Variants in PTPRD observed in about 807,000 individuals in gnomAD.
PTPRD encodes receptor-type tyrosine-protein phosphatase delta.
A neutral mutation model predicts 214.5 loss-of-function variants in PTPRD; 34 were observed. The ratio of observed to expected loss-of-function variants is 0.16; its 90% CI spans 0.12 to 0.21. The LOEUF (loss-of-function observed/expected upper bound fraction) is 0.21. Among genes scored for constraint, PTPRD ranks in the 10% least tolerant of loss-of-function variants. The pLI is 1.00. For missense variants in PTPRD, 2,545 were observed against 2,398.7 expected, an observed-to-expected ratio of 1.06 and a Z score of -1.27; for synonymous variants, 1,128 against 845.7, an observed-to-expected ratio of 1.33 and a Z score of -5.79.
intron 12 of PTPRD, among the ~76,000 whole-genome samples, chr9:8,710,333 A>G (rs1301734077): frequency 2.0e-5 from 3 of 152,128 alleles, no homozygotes; most frequent in Admixed American, 6.6e-5. Context: ...ATTAAAAAAT[A>G]AGGCCATGCA....
At chr9:8,463,308 CAAAAAAAAAAAAAAA>C (rs71308864) in intron 32 of PTPRD, among the ~76,000 whole-genome samples, 3 of 28,850 alleles carry the variant, frequency 1.0e-4, no homozygotes, top group Admixed American at 4.3e-4. Context: ...CAGAGGCAGC[CAAAAAAAAAAAAAAA>C]AAAAAAAAAA....
At chr9:8,358,379 T>C (rs1428020573) in intron 39 of PTPRD, among the ~76,000 whole-genome samples, 1 of 152,192 alleles carries the variant, frequency 6.6e-6, no homozygotes, top group Non-Finnish European at 1.5e-5. Context: ...TGTTTTCAAT[T>C]AAGCATAACA....
intron 7 of PTPRD, among the ~76,000 whole-genome samples, chr9:9,655,689 T>C (rs1046072706): frequency 2.7e-5 from 4 of 150,630 alleles, no homozygotes; most frequent in South Asian, 4.2e-4. Flanking sequence ...ATAAAATAAA[T>C]GAAAAGAGCT....
chr9:8,774,148 T>C (rs1158809347), intron 11 of PTPRD, among the ~76,000 whole-genome samples: 3 of 152,202 alleles, frequency 2.0e-5, no homozygotes, highest in Non-Finnish European at 4.4e-5. Flanking sequence ...CTGGGGATAA[T>C]ACAGGGTGTC....
At chr9:10,337,988 G>C (rs1023545836) in intron 3 of PTPRD, among the ~76,000 whole-genome samples, 1 of 151,458 alleles carries the variant, frequency 6.6e-6, no homozygotes, top group African/African-American at 2.4e-5. Flanking sequence ...AATTTATCTT[G>C]TTGGGAAAAA....
intron 2 of PTPRD, among the ~76,000 whole-genome samples, chr9:10,536,018 GT>G (rs1566799948): frequency 6.6e-6 from 1 of 152,064 alleles, no homozygotes; most frequent in South Asian, 2.1e-4. Context: ...GTATAAAAGA[GT>G]TTTTTTCCAG....
Position 10,473,080 on chromosome 9 carries a change from G to A in PTPRD, c.-599-132063C>T, listed in dbSNP as rs150109640. On this transcript the variant is annotated intron_variant, in intron 2 of 45. Transcript: ENST00000381196. ...AATTAAATTTTAATTGTTATATCACGCTCCAGTACCCAAAATTATTTTAAG... is the reference window on the plus strand; with the variant it reads ...AATTAAATTTTAATTGTTATATCACACTCCAGTACCCAAAATTATTTTAAG... 4.1e-3 allele frequency among the ~76,000 whole-genome samples: 616 copies of A among 151,778 alleles called. 6 individuals are homozygous for A. Among genetic ancestry groups the A allele is most frequent in the African/African-American group, 0.014 (585 of 41,408 alleles).
At chr9:8,337,502 T>C (rs138752505) in intron 43 of PTPRD, among the ~76,000 whole-genome samples, 166 of 152,238 alleles carry the variant, frequency 1.1e-3, no homozygotes, top group African/African-American at 3.3e-3. Flanking sequence ...CTAATGTAGA[T>C]GATGGGTTGA....
chr9:10,247,784 G>A (rs2092326018), intron 3 of PTPRD, among the ~76,000 whole-genome samples: 1 of 152,112 alleles, frequency 6.6e-6, no homozygotes, highest in Admixed American at 6.6e-5. Flanking sequence ...TGTCCCTGAT[G>A]GTAGAGAAAG....
At chr9:9,641,990 C>T (rs564890267) in intron 7 of PTPRD, among the ~76,000 whole-genome samples, 1 of 151,284 alleles carries the variant, frequency 6.6e-6, no homozygotes, top group Non-Finnish European at 1.5e-5. Flanking sequence ...GCATTATTCA[C>T]AATAGCAAAG....
At chr9:9,882,105 T>C (rs538605976) in intron 5 of PTPRD, among the ~76,000 whole-genome samples, 11 of 152,158 alleles carry the variant, frequency 7.2e-5, no homozygotes, top group Non-Finnish European at 8.8e-5. Flanking sequence ...GACCTGTATT[T>C]AATATTACAT....
chr9:9,126,374 A>T (rs2099833756), intron 10 of PTPRD, among the ~76,000 whole-genome samples: 1 of 152,204 alleles, frequency 6.6e-6, no homozygotes, highest in South Asian at 2.1e-4. Context: ...ATTTGAATAT[A>T]AGCTGAATAC....
rs565643071 is a variant in PTPRD at position 8,350,495 on chromosome 9, G to A, written c.4662-8517C>T. Among the ~76,000 whole-genome samples, 14 of 152,206 alleles carry A rather than the reference G, an allele frequency of 9.2e-5. No homozygotes were observed. The South Asian group carries it at 2.3e-3, about 25-fold the overall frequency. ...TCTATGAGAAAAGATTGAGTTTTAC[G>A]ACTCAGGTTTATAAGATTAATTAGG... On this transcript the variant is annotated intron_variant, in intron 39 of 45. Transcript: ENST00000381196.
chr9:10,207,111 TAGA>T (rs2099486850), intron 3 of PTPRD, among the ~76,000 whole-genome samples: 1 of 152,146 alleles, frequency 6.6e-6, no homozygotes, highest in Non-Finnish European at 1.5e-5. Context: ...AAACAAGATA[TAGA>T]ATATACCCAG....
intron 11 of PTPRD, among the ~76,000 whole-genome samples, chr9:8,778,533 G>A (rs2095571761): frequency 6.6e-6 from 1 of 152,168 alleles, no homozygotes. Context: ...GATCACTGGT[G>A]TCTTTTTGCT....
At chr9:9,992,931 C>A (rs2095998164) in intron 4 of PTPRD, among the ~76,000 whole-genome samples, 1 of 151,720 alleles carries the variant, frequency 6.6e-6, no homozygotes, top group Admixed American at 6.6e-5. Flanking sequence ...CACATGTACC[C>A]TAGAACTTAA....
At chr9:9,678,691 A>G (rs975428208) in intron 7 of PTPRD, among the ~76,000 whole-genome samples, 7 of 151,860 alleles carry the variant, frequency 4.6e-5, no homozygotes, top group African/African-American at 1.7e-4. Context: ...GAACAATTAG[A>G]AGAAAAAAAC....
intron 43 of PTPRD, among the ~76,000 whole-genome samples, chr9:8,336,003 G>A (rs1846290091): frequency 6.6e-6 from 1 of 151,970 alleles, no homozygotes; most frequent in Admixed American, 6.6e-5. Context: ...CGGATAGGAA[G>A]AATCAATATC....
At chr9:8,694,201 A>C (rs1033924957) in intron 12 of PTPRD, among the ~76,000 whole-genome samples, 2 of 152,182 alleles carry the variant, frequency 1.3e-5, no homozygotes, top group African/African-American at 2.4e-5. Context: ...GAAATAAATA[A>C]TTTTCTGGGA....
Sources: allele counts gnomAD v4.1 joint callset (sites outside exome capture counted in the v4.1 genomes callset), GRCh38; gene constraint gnomAD v4.1.1; transcripts MANE v1.5; gene names NCBI Gene and HGNC (gene_info 2026-07-23, HGNC 2026-07-21).